BMP7: variants seen among roughly 807,000 people sequenced by gnomAD.
BMP7 encodes the protein bone morphogenetic protein 7, also known as osteogenic protein 1.
Under a neutral mutation model 41.2 loss-of-function variants are expected in BMP7, and 12 were observed. The observed-to-expected ratio is 0.29, with a 90% CI of 0.19 to 0.47. BMP7 has a LOEUF of 0.47. Among genes scored for constraint, BMP7 ranks in the 20% least tolerant of loss-of-function variants. BMP7 has a pLI of 0.99. For missense variants in BMP7, 467 were observed against 606.0 expected (o/e 0.77, Z 2.41); for synonymous variants, 248 against 250.0 (o/e 0.99, Z 0.07).
In BMP7 at chr20:57,202,492, G is replaced by T; in HGVS notation, c.743C>A (p.Ser248Ter). The change falls in exon 3 of 7, where the codon TCG becomes TAG. Residue 248 changes from serine (S) to a stop codon, truncating the protein, a stop_gained. Transcript: ENST00000395863. LOFTEE classifies it high-confidence loss of function. ...GGACTCACCATCCAGCGTCTCCACC[G>T]AGAGCTGCAGGCCCAGGTTGTGCCG... Reference protein sequence around the residue: ...NPRHNLGLQLSVETLDGQSIN... With the variant: ...NPRHNLGLQL 2 of 1,606,648 alleles carry T rather than the reference G, an allele frequency of 1.2e-6. No individual in the cohort carries two copies. Among genetic ancestry groups the T allele is most frequent in the South Asian group, 1.1e-5 (1 of 91,002 alleles).
chr20:57,194,497 C>T (rs918910079), intron 3 of BMP7, among the ~76,000 whole-genome samples: 1 of 152,294 alleles, frequency 6.6e-6, no homozygotes, highest in Admixed American at 6.5e-5. Flanking sequence ...AGATGAAAAC[C>T]TTTGCTGACC....
chr20:57,249,414 C>A (rs1363221030), intron 1 of BMP7, among the ~76,000 whole-genome samples: 2 of 152,028 alleles, frequency 1.3e-5, no homozygotes, highest in Non-Finnish European at 2.9e-5. Flanking sequence ...AGGAACTCAG[C>A]CATATGGAGA....
Position 57,228,837 on chromosome 20 carries a change from G to A in BMP7, c.419-416C>T, listed in dbSNP as rs2066018073. On this transcript the variant is annotated intron_variant, in intron 1 of 6. Coordinates refer to ENST00000395863, the MANE Select transcript of BMP7 (RefSeq NM_001719.3). The surrounding 1 kb of genome is among the most constrained non-coding windows in gnomAD (Gnocchi z 4.5). ...TTTCATCATCTAAAAAATGGGGATT[G>A]TAATCCTCCTTCATGGGTTATGGTC... is the stretch of plus-strand genomic sequence containing the variant. Among the ~76,000 whole-genome samples, 2 of 152,186 alleles carry A rather than the reference G, an allele frequency of 1.3e-5. No individual in the cohort carries two copies. Among genetic ancestry groups the A allele is most frequent in the South Asian group, 4.2e-4 (2 of 4,816 alleles).
At chr20:57,177,193 G>C (rs753709909) in intron 4 of BMP7, among the ~76,000 whole-genome samples, 2 of 152,194 alleles carry the variant, frequency 1.3e-5, no homozygotes, top group Non-Finnish European at 2.9e-5. Flanking sequence ...GTGGAAAGCA[G>C]AAAGGAGAAA....
chr20:57,232,862 C>G (rs1006024572), intron 1 of BMP7, among the ~76,000 whole-genome samples: 19 of 129,640 alleles, frequency 1.5e-4, no homozygotes, highest in Middle Eastern at 7.6e-3. Context: ...TACACACACA[C>G]ACACACACAC....
intron 1 of BMP7, among the ~76,000 whole-genome samples, chr20:57,234,063 C>A (rs1409058007): frequency 6.6e-6 from 1 of 152,096 alleles, no homozygotes; most frequent in African/African-American, 2.4e-5. Flanking sequence ...TGTTAAGGAG[C>A]CTTGCCCATG....
At chr20:57,185,754 C>T (rs1984194420) in intron 3 of BMP7, among the ~76,000 whole-genome samples, 1 of 152,206 alleles carries the variant, frequency 6.6e-6, no homozygotes, top group Non-Finnish European at 1.5e-5. Flanking sequence ...AGCTGGGGCT[C>T]AGGACACAGC....
intron 3 of BMP7, among the ~76,000 whole-genome samples, chr20:57,201,152 G>T (rs910327482): frequency 6.6e-6 from 1 of 152,200 alleles, no homozygotes; most frequent in African/African-American, 2.4e-5. Context: ...TTACCAAGAT[G>T]CCTGGGAAAA....
At chr20:57,177,266 G>T (rs1983951061) in intron 4 of BMP7, among the ~76,000 whole-genome samples, 1 of 152,208 alleles carries the variant, frequency 6.6e-6, no homozygotes, top group African/African-American at 2.4e-5. Context: ...ACAGGAGTCA[G>T]GAACTGGCCT....
chr20:57,264,470 C>T (rs1170923210), intron 1 of BMP7, among the ~76,000 whole-genome samples: 1 of 152,182 alleles, frequency 6.6e-6, no homozygotes, highest in Admixed American at 6.5e-5. Flanking sequence ...CGCGCTGGCG[C>T]TGCCGGGGGG....
At position 57,171,339 on chromosome 20, in the gene BMP7, G is replaced by A. The variant is rs899012301; in HGVS notation, c.1147-231C>T. 1.3e-5 allele frequency among the ~76,000 whole-genome samples: 2 copies of A among 152,204 alleles called. No individual in the cohort carries two copies. The highest frequency in any genetic ancestry group is 2.9e-5 in the Non-Finnish European group (2 of 68,034). On this transcript the variant is annotated intron_variant, in intron 6 of 6. Coordinates refer to ENST00000395863, the MANE Select transcript of BMP7 (RefSeq NM_001719.3). The surrounding 1 kb of genome is among the most constrained non-coding windows in gnomAD (Gnocchi z 4.5). ...AGCATAGAGGTTTTCACATTATACA[G>A]TGGGGAAGGAAGGGGCCAGATCCGA...
intron 1 of BMP7, among the ~76,000 whole-genome samples, chr20:57,238,358 G>C (rs1198994513): frequency 6.6e-6 from 1 of 152,196 alleles, no homozygotes; most frequent in Non-Finnish European, 1.5e-5. Flanking sequence ...ATTCATCCCT[G>C]AATGGTATGC....
At chr20:57,203,952 C>T (rs4811823) in intron 2 of BMP7, among the ~76,000 whole-genome samples, 79,673 of 152,146 alleles carry the variant, frequency 0.52, 21,185 homozygotes, top group South Asian at 0.61. Context: ...TCTCATGTCA[C>T]TTAGTTCTTA....
Position 57,186,219 on chromosome 20 carries a change from C to T in BMP7, c.761-2300G>A, listed in dbSNP as rs570732440. On this transcript the variant is annotated intron_variant, in intron 3 of 6. Coordinates refer to ENST00000395863, the MANE Select transcript of BMP7 (RefSeq NM_001719.3). ...TGGCCTCTGTGTTCCACTGAGAGGTCAGGGGAATGCAACGGAGACTGTGCA... is the reference window on the plus strand; with the variant it reads ...TGGCCTCTGTGTTCCACTGAGAGGTTAGGGGAATGCAACGGAGACTGTGCA... Among the ~76,000 whole-genome samples, 4 of 152,248 alleles carry T rather than the reference C, an allele frequency of 2.6e-5. No individual in the cohort carries two copies. The East Asian group carries it at 7.7e-4, about 29-fold the overall frequency.
chr20:57,262,451 A>G (rs919469544), intron 1 of BMP7, among the ~76,000 whole-genome samples: 2 of 152,068 alleles, frequency 1.3e-5, no homozygotes, highest in African/African-American at 4.8e-5. Flanking sequence ...CATTCCCACC[A>G]CCTGGTTTTG....
intron 1 of BMP7, among the ~76,000 whole-genome samples, chr20:57,229,223 C>A (rs1461824972): frequency 6.6e-6 from 1 of 152,178 alleles, no homozygotes; most frequent in Non-Finnish European, 1.5e-5. Flanking sequence ...CTACTCCGAC[C>A]CCCTCCTGAA....
chr20:57,233,197 A>G (rs1323203879), intron 1 of BMP7, among the ~76,000 whole-genome samples: 1 of 152,162 alleles, frequency 6.6e-6, no homozygotes, highest in East Asian at 1.9e-4. Context: ...AAGCTTCCTA[A>G]GGAAGCCCAG....
intron 4 of BMP7, among the ~76,000 whole-genome samples, chr20:57,181,958 C>G (rs377349794): frequency 1.3e-5 from 2 of 152,370 alleles, no homozygotes; most frequent in East Asian, 3.9e-4. Flanking sequence ...GATTAAGACA[C>G]TGGCATCTTG....
chr20:57,200,637 A>G (rs1984597307), intron 3 of BMP7, among the ~76,000 whole-genome samples: 1 of 152,228 alleles, frequency 6.6e-6, no homozygotes, highest in African/African-American at 2.4e-5. Flanking sequence ...GTGTTACTAA[A>G]AATAGAAAAA....
Sources: allele counts gnomAD v4.1 joint callset (sites outside exome capture counted in the v4.1 genomes callset), GRCh38; gene constraint gnomAD v4.1.1; non-coding constraint Gnocchi (gnomAD v3.1); transcripts MANE v1.5; gene names NCBI Gene and HGNC (gene_info 2026-07-23, HGNC 2026-07-21).